Variants in PFKP observed in about 807,000 individuals in gnomAD.
PFKP encodes the protein phosphofructokinase, platelet.
In PFKP, 101 loss-of-function variants were observed where a neutral mutation model predicts 94.3. That is an observed-to-expected ratio of 1.07 (90% CI 0.91 to 1.26). The LOEUF (loss-of-function observed/expected upper bound fraction) is 1.26. Ranked by LOEUF, PFKP falls within the 50% of genes most tolerant of loss-of-function variation. The pLI is 0.00. For missense variants in PFKP, 1,145 were observed against 1,103.3 expected (o/e 1.04, Z -0.53); for synonymous variants, 573 against 432.6 (o/e 1.32, Z -4.03).
At position 3,113,367 on chromosome 10, in the gene PFKP, T is replaced by C. The variant is rs543568904; in HGVS notation, c.1225-5T>C. On this transcript the variant is annotated splice_polypyrimidine_tract_variant and splice_region_variant and intron_variant, in intron 12 of 21. Coordinates refer to ENST00000381125, the MANE Select transcript of PFKP (RefSeq NM_002627.5). ...CCCAGCACTCACCTGCCTTCTGTTT[T>C]GCAGACCAATTGCAACGTAGCTGTC... The C allele has an allele frequency of 7.0e-6, 11 of 1,580,626 alleles. No individual in the cohort carries two copies. The highest frequency in any genetic ancestry group is 8.6e-6 in the Non-Finnish European group (10 of 1,159,662).
intron 14 of PFKP, among the ~76,000 whole-genome samples, chr10:3,117,561 C>T (rs765645402): frequency 2.6e-5 from 4 of 152,182 alleles, no homozygotes; most frequent in Admixed American, 1.3e-4. Flanking sequence ...CTTTGCTTTG[C>T]TTTACAGCCA....
intron 2 of PFKP, among the ~76,000 whole-genome samples, chr10:3,096,923 A>C (rs111680438): frequency 1.3e-4 from 15 of 116,230 alleles, no homozygotes; most frequent in East Asian, 7.3e-4. Context: ...CTAAAAATAC[A>C]AAAAATTAGC....
chr10:3,081,854 CTG>C (rs1449089742), intron 1 of PFKP, among the ~76,000 whole-genome samples: 3 of 151,286 alleles, frequency 2.0e-5, no homozygotes, highest in East Asian at 1.9e-4. Context: ...TTGTATAACA[CTG>C]TTCTTCTCAA....
chr10:3,075,110 A>T (rs1832477921), intron 1 of PFKP, among the ~76,000 whole-genome samples: 1 of 152,242 alleles, frequency 6.6e-6, no homozygotes, highest in Non-Finnish European at 1.5e-5. Flanking sequence ...TCCTTAAGGC[A>T]CATATCTCAT....
At chr10:3,107,162 T>C (rs1835715800) in intron 7 of PFKP, 52 bp from the exon 8 acceptor site, 3 of 1,122,976 alleles carry the variant, frequency 2.7e-6, no homozygotes, top group Non-Finnish European at 2.7e-6. Context: ...GTTGCATTTG[T>C]TGCTAAGAAC....
chr10:3,077,249 C>CTTTTTT (rs35306351), intron 1 of PFKP, among the ~76,000 whole-genome samples: 28 of 108,200 alleles, frequency 2.6e-4, no homozygotes, highest in Non-Finnish European at 3.6e-4. Flanking sequence ...CTATTCTTTA[C>CTTTTTT]TTTTTTTTTT....
At chr10:3,106,757 G>A (rs112446016) in intron 7 of PFKP, among the ~76,000 whole-genome samples, 18 of 18 alleles carry the variant, frequency 1, 9 homozygotes, top group Non-Finnish European at 1. Flanking sequence ...CCCTCTCCTC[G>A]CCCCTGCCCC....
chr10:3,084,951 C>T (rs1411638961), intron 2 of PFKP, among the ~76,000 whole-genome samples: 8 of 30,486 alleles, frequency 2.6e-4, no homozygotes, highest in African/African-American at 1.8e-3. Flanking sequence ...CCCATTCCCT[C>T]CCCAGCACGG....
At chr10:3,126,297 A>C (rs9423692) in intron 16 of PFKP, among the ~76,000 whole-genome samples, 1 of 152,030 alleles carries the variant, frequency 6.6e-6, no homozygotes, top group Non-Finnish European at 1.5e-5. Flanking sequence ...TCTCTCTCCT[A>C]GGCTTCTCCC....
intron 2 of PFKP, among the ~76,000 whole-genome samples, chr10:3,093,744 C>T (rs962320845): frequency 5.4e-5 from 8 of 148,920 alleles, no homozygotes; most frequent in African/African-American, 1.2e-4. Context: ...CCCAGGTTCA[C>T]GCCATTCTCC....
chr10:3,136,637 T>A lies in PFKP; in HGVS notation c.*58T>A. 1 of 1,570,270 alleles carries A rather than the reference T, an allele frequency of 6.4e-7. No homozygotes were observed. The highest frequency in any genetic ancestry group is 1.7e-4 in the Middle Eastern group (1 of 5,876). On this transcript the variant is annotated 3_prime_UTR_variant, in exon 22 of 22. Coordinates refer to ENST00000381125, the MANE Select transcript of PFKP (RefSeq NM_002627.5). ...GTGGACTGTCTGTTTTTGTAACACT[T>A]AAGTTATTTTATCAGCACTTTATGC...
At chr10:3,102,390 G>C (rs1001836563) in intron 4 of PFKP, among the ~76,000 whole-genome samples, 5 of 151,598 alleles carry the variant, frequency 3.3e-5, no homozygotes, top group Admixed American at 3.3e-4. Flanking sequence ...TGTGTATGTG[G>C]TTTATTTTTG....
intron 20 of PFKP, among the ~76,000 whole-genome samples, chr10:3,134,999 TGTAGAACTGCATGTTC>T (rs1184426861): frequency 4.6e-5 from 7 of 151,902 alleles, no homozygotes; most frequent in African/African-American, 1.2e-4. Flanking sequence ...TGTTCATGTT[TGTAGAACTGCATGTTC>T]GTAGAACTGT....
chr10:3,128,131 T>C (rs1287073853), intron 16 of PFKP, among the ~76,000 whole-genome samples: 1 of 152,158 alleles, frequency 6.6e-6, no homozygotes, highest in African/African-American at 2.4e-5. Flanking sequence ...AATACCATGC[T>C]TATGTCATTC....
intron 13 of PFKP, among the ~76,000 whole-genome samples, chr10:3,114,954 G>T (rs1237300315): frequency 2.0e-5 from 3 of 152,222 alleles, no homozygotes; most frequent in Non-Finnish European, 4.4e-5. Context: ...GGGCTTTGCA[G>T]TCACCTAGCA....
In PFKP at chr10:3,135,790, A is replaced by T; in HGVS notation, c.2177A>T (p.Asn726Ile). Reference protein sequence around the residue: ...SICVLGISKRNVIFQPVAELK... With the variant: ...SICVLGISKRIVIFQPVAELK... ...TGTGTGCTGGGAATAAGCAAAAGAA[A>T]CGTTATTTTTCAACCTGTGGCAGAG... Residue 726 changes from asparagine to isoleucine, a missense_variant, in exon 21 of 22, where the codon AAC (asparagine) becomes ATC (isoleucine). Coordinates refer to ENST00000381125, the MANE Select transcript of PFKP (RefSeq NM_002627.5). 1 of 1,613,836 alleles carries T rather than the reference A, an allele frequency of 6.2e-7. No homozygotes were observed. The highest frequency in any genetic ancestry group is 8.5e-7 in the Non-Finnish European group (1 of 1,179,806).
chr10:3,112,968 C>T lies in PFKP; in HGVS notation c.1155-151C>T. The T allele has an allele frequency of 4.3e-6, 3 of 702,060 alleles. No homozygotes were observed. In the South Asian group the frequency reaches 5.3e-5, roughly 12 times the overall value. The allele number at this position is 702,060 out of a possible 1,614,324, so 43.5% of individuals were successfully genotyped here. ...CGCGGGTCGCGGCTAAGGGCTCTGC[C>T]ATGCACATGGAACCCTGGGGCCTCC... On this transcript the variant is annotated intron_variant, in intron 11 of 21. Transcript: ENST00000381125.
chr10:3,082,381 A>C lies in PFKP; in HGVS notation c.113-7A>C. ...TTCAGTGACTCTTGCTCCTGTTTCC[A>C]CTGCAGGTATGAACGCTGCCGTCCG... On this transcript the variant is annotated splice_region_variant and splice_polypyrimidine_tract_variant and intron_variant, in intron 1 of 21. Transcript: ENST00000381125. 6.2e-7 allele frequency: 1 copy of C among 1,602,804 alleles called. No individual in the cohort carries two copies. Among genetic ancestry groups the C allele is most frequent in the Non-Finnish European group, 8.5e-7 (1 of 1,172,698 alleles).
At position 3,069,358 on chromosome 10, in the gene PFKP, C is replaced by A. The variant is rs756241196; in HGVS notation, c.112+1651C>A. The A allele has an allele frequency of 2.5e-6, 4 of 1,589,710 alleles. No homozygotes were observed. In the East Asian group the frequency reaches 9.2e-5, roughly 36 times the overall value. On this transcript the variant is annotated intron_variant, in intron 1 of 21. Coordinates refer to ENST00000381125, the MANE Select transcript of PFKP (RefSeq NM_002627.5). ...AGAGTGAAGTGGAAATAGCCTGGCC[C>A]GCGTGACTTAAACCGGCCCGGAGAT...
Sources: allele counts gnomAD v4.1 joint callset (sites outside exome capture counted in the v4.1 genomes callset), GRCh38; gene constraint gnomAD v4.1.1; transcripts MANE v1.5; gene names NCBI Gene and HGNC (gene_info 2026-07-23, HGNC 2026-07-21).